The following DCAF8L2 variants were observed in gnomAD, a reference collection of about 807,000 sequenced individuals.
DCAF8L2 encodes DDB1 and CUL4 associated factor 8 like 2.
For missense variants in DCAF8L2, 430 were observed against 490.7 expected, an observed-to-expected ratio of 0.88 and a Z score of 1.17; for synonymous variants, 200 against 190.9, an observed-to-expected ratio of 1.05 and a Z score of -0.39.
the DCAF8L2 span, among the ~76,000 whole-genome samples, chrX:27,576,261 G>C: frequency 8.9e-6 from 1 of 111,989 alleles, no homozygotes; most frequent in African/African-American, 3.2e-5. Flanking sequence ...GGTACCAATA[G>C]TAGAAGGTAC....
intron 3 of DCAF8L2, among the ~76,000 whole-genome samples, chrX:27,702,644 A>G (rs1206490793): frequency 9.0e-6 from 1 of 111,386 alleles, no homozygotes; most frequent in Non-Finnish European, 1.9e-5. Context: ...ACATTTCACA[A>G]AATTCAACAA....
At chrX:27,714,644 G>T (rs766692612) in intron 3 of DCAF8L2, among the ~76,000 whole-genome samples, 1 of 112,038 alleles carries the variant, frequency 8.9e-6, no homozygotes, top group African/African-American at 3.2e-5. Context: ...TACAGAAGGT[G>T]CTGTAAACTA....
At chrX:27,563,494 C>T in the DCAF8L2 span, among the ~76,000 whole-genome samples, 1 of 111,864 alleles carries the variant, frequency 8.9e-6, no homozygotes, top group South Asian at 3.7e-4. Flanking sequence ...TGTAATTTGA[C>T]CTTTTGATAT....
At chrX:27,701,050 G>T (rs1015505016) in intron 3 of DCAF8L2, among the ~76,000 whole-genome samples, 9 of 111,015 alleles carry the variant, frequency 8.1e-5, no homozygotes, top group Admixed American at 5.8e-4. Context: ...TTCTCATCCT[G>T]CAAAAATCTC....
the DCAF8L2 span, among the ~76,000 whole-genome samples, chrX:27,568,468 G>A: frequency 3.6e-5 from 4 of 111,396 alleles, no homozygotes; most frequent in South Asian, 1.5e-3. Context: ...AAATTAGTAA[G>A]TCATTATTTC....
intron 4 of DCAF8L2, among the ~76,000 whole-genome samples, chrX:27,721,431 C>T (rs6630566): frequency 0.11 from 11,904 of 110,830 alleles, 601 homozygotes; most frequent in East Asian, 0.35. Context: ...TCCTGAATAT[C>T]GTAGAACTAC....
At chrX:27,528,782 T>G in the DCAF8L2 span, among the ~76,000 whole-genome samples, 3 of 111,012 alleles carry the variant, frequency 2.7e-5, no homozygotes, top group African/African-American at 3.3e-5. Flanking sequence ...CACCTTTAAA[T>G]AAACTGAGCG....
At chrX:27,533,162 GAGAGAAAGAAAGAA>G in the DCAF8L2 span, among the ~76,000 whole-genome samples, 19 of 16,301 alleles carry the variant, frequency 1.2e-3, no homozygotes, top group Admixed American at 0.013. Context: ...GAGAGAGAGA[GAGAGAAAGAAAGAA>G]AGAAAGAAAG....
chrX:27,533,144 AAGAGAG>A, the DCAF8L2 span, among the ~76,000 whole-genome samples: 9 of 23,661 alleles, frequency 3.8e-4, no homozygotes, highest in African/African-American at 9.3e-4. Flanking sequence ...GGAAGGAAGA[AAGAGAG>A]AGAGAGAGAG....
At chrX:27,658,056 T>C (rs1929418068) in intron 2 of DCAF8L2, among the ~76,000 whole-genome samples, 1 of 112,731 alleles carries the variant, frequency 8.9e-6, no homozygotes. Flanking sequence ...TCTTAGAATA[T>C]GTGTATGTTT....
chrX:27,672,991 T>C (rs1450949583), intron 2 of DCAF8L2, among the ~76,000 whole-genome samples: 1 of 110,796 alleles, frequency 9.0e-6, no homozygotes, highest in Non-Finnish European at 1.9e-5. Context: ...TTGAGGCCTA[T>C]CAGAGTCCCC....
chrX:27,518,444 GA>G, the DCAF8L2 span: 1 of 552,497 alleles, frequency 1.8e-6, no homozygotes. Flanking sequence ...ATTTTGAAAT[GA>G]AAAACAAAAA....
chrX:27,530,282 A>T, the DCAF8L2 span, among the ~76,000 whole-genome samples: 1 of 110,079 alleles, frequency 9.1e-6, no homozygotes, highest in South Asian at 3.9e-4. Flanking sequence ...AATGTACAGA[A>T]GTCCCTTGCA....
In DCAF8L2 at chrX:27,596,148, A is replaced by G. The variant is rs755926468; in HGVS notation, c.-342+5708A>G. Among the ~76,000 whole-genome samples the G allele has an allele frequency of 3.6e-5, 4 of 112,382 alleles. No homozygotes were observed. The South Asian group carries it at 1.5e-3, about 41-fold the overall frequency. On this transcript the variant is annotated intron_variant, in intron 1 of 4. Coordinates refer to ENST00000451261, the MANE Select transcript of DCAF8L2 (RefSeq NM_001353450.2). ...TGTAAAAAAGTTAATTTGTAAACTAATTTTTCTTCCATTATACTTTGAAGA... is the reference window on the plus strand; with the variant it reads ...TGTAAAAAAGTTAATTTGTAAACTAGTTTTTCTTCCATTATACTTTGAAGA...
At chrX:27,495,741 A>T in the DCAF8L2 span, among the ~76,000 whole-genome samples, 1 of 111,677 alleles carries the variant, frequency 9.0e-6, no homozygotes, top group East Asian at 2.8e-4. Flanking sequence ...GCTGTTTCCT[A>T]TAAGACAACT....
chrX:27,592,419 T>TTTG (rs202114528), intron 1 of DCAF8L2, among the ~76,000 whole-genome samples: 8,799 of 103,500 alleles, frequency 0.085, 763 homozygotes, highest in African/African-American at 0.28. Context: ...TTGTTTTTGT[T>TTTG]TTTTTTTTTT....
chrX:27,491,175 TTTTGA>T, the DCAF8L2 span, among the ~76,000 whole-genome samples: 7 of 112,898 alleles, frequency 6.2e-5, no homozygotes, highest in Non-Finnish European at 1.3e-4. Context: ...TGCATTTTAC[TTTTGA>T]TTTGTACTTT....
At chrX:27,699,827 G>A (rs1021701509) in intron 3 of DCAF8L2, among the ~76,000 whole-genome samples, 1 of 110,983 alleles carries the variant, frequency 9.0e-6, no homozygotes, top group Non-Finnish European at 1.9e-5. Context: ...AGGAGATGGA[G>A]ACCAGCCTGG....
intron 2 of DCAF8L2, among the ~76,000 whole-genome samples, chrX:27,668,894 C>T (rs1022130779): frequency 9.2e-6 from 1 of 108,636 alleles, no homozygotes; most frequent in Non-Finnish European, 1.9e-5. Flanking sequence ...GGGATCGTGC[C>T]ACTGCACTCC....
Sources: allele counts gnomAD v4.1 joint callset (sites outside exome capture counted in the v4.1 genomes callset), GRCh38; gene constraint gnomAD v4.1.1; transcripts MANE v1.5; gene names NCBI Gene and HGNC (gene_info 2026-07-23, HGNC 2026-07-21).